RPA3: variants seen among roughly 807,000 people sequenced by gnomAD.
RPA3 encodes replication protein A 14 kDa subunit.
Under a neutral mutation model 13.7 loss-of-function variants are expected in RPA3, and 24 were observed. That is an observed-to-expected ratio of 1.75 (90% CI 1.27 to 2.46). RPA3 has a LOEUF of 2.46. Among genes scored for constraint, RPA3 ranks in the 30% most tolerant of loss-of-function variants. RPA3 has a pLI of 0.00. For missense variants in RPA3, 183 were observed against 151.0 expected (o/e 1.21, Z -1.11); for synonymous variants, 59 against 51.2 (o/e 1.15, Z -0.65).
intron 4 of RPA3, among the ~76,000 whole-genome samples, chr7:7,647,606 A>C (rs763987390): frequency 5.3e-5 from 8 of 152,090 alleles, no homozygotes; most frequent in Non-Finnish European, 8.8e-5. Flanking sequence ...GACTTTTGCT[A>C]TATATATACA....
At chr7:7,700,000 T>C (rs1053209423) in intron 2 of RPA3, among the ~76,000 whole-genome samples, 4 of 152,270 alleles carry the variant, frequency 2.6e-5, no homozygotes, top group African/African-American at 9.6e-5. Context: ...AGTGTGGTGA[T>C]ACTTACAAGT....
chr7:7,682,761 C>T (rs13225575), intron 4 of RPA3, among the ~76,000 whole-genome samples: 24,968 of 152,228 alleles, frequency 0.16, 2,492 homozygotes, highest in Middle Eastern at 0.25. Context: ...CAGAAAAACT[C>T]GATTTACATT....
chr7:7,686,193 GC>G (rs1159994201), intron 3 of RPA3, among the ~76,000 whole-genome samples, 195 bp from the exon 4 acceptor site: 1 of 152,154 alleles, frequency 6.6e-6, no homozygotes, highest in East Asian at 1.9e-4. Context: ...AGGTGGTGGG[GC>G]AGATTGTGTA....
At chr7:7,662,517 T>G (rs1343474745) in intron 4 of RPA3, among the ~76,000 whole-genome samples, 1 of 151,990 alleles carries the variant, frequency 6.6e-6, no homozygotes. Context: ...CGGACCGGAG[T>G]GCACTGTTCC....
chr7:7,660,911 T>C (rs1338805360), intron 4 of RPA3, among the ~76,000 whole-genome samples: 2 of 152,226 alleles, frequency 1.3e-5, no homozygotes, highest in Non-Finnish European at 2.9e-5. Context: ...AACTTGGTTC[T>C]ATTCTCCCTG....
At chr7:7,704,766 CAAAAAAAAAA>C (rs71011001) in intron 2 of RPA3, among the ~76,000 whole-genome samples, 221 of 17,850 alleles carry the variant, frequency 0.012, no homozygotes, top group African/African-American at 0.043. Context: ...GACTCCATCT[CAAAAAAAAAA>C]AAAAAAAAAA....
intron 4 of RPA3, among the ~76,000 whole-genome samples, chr7:7,675,292 A>C (rs1779711528): frequency 6.6e-6 from 1 of 152,224 alleles, no homozygotes; most frequent in African/African-American, 2.4e-5. Flanking sequence ...GCTGGACCTT[A>C]AACTTTTTAT....
chr7:7,640,409 T>A lies in RPA3; in HGVS notation c.10A>T (p.Met4Leu), dbSNP rs755662801. Reference protein sequence around the residue: MVDMMDLPRSRINA... With the variant: MVDLMDLPRSRINA... ...ATGCGCGACCTGGGCAAGTCCATCA[T>A]GTCCACCATGATTATGGTCCAAGAC... The change falls in exon 5 of 8, where the codon ATG becomes TTG. Residue 4 changes from methionine (M) to leucine (L), a missense_variant. Physicochemically the swap from Met to Leu is conservative, Grantham distance 15. Coordinates refer to ENST00000223129, the MANE Select transcript of RPA3 (RefSeq NM_002947.5). 6.2e-7 allele frequency: 1 copy of A among 1,614,042 alleles called. No homozygotes were observed. Among genetic ancestry groups the A allele is most frequent in the Non-Finnish European group, 8.5e-7 (1 of 1,180,036 alleles).
chr7:7,640,140 A>C (rs1399666573), intron 5 of RPA3, 180 bp downstream of exon 5: 1 of 648,100 alleles, frequency 1.5e-6, no homozygotes, highest in East Asian at 2.8e-5. Flanking sequence ...CCGTGCCATA[A>C]AAGAGCGCCA....
chr7:7,680,467 T>C (rs1779882267), intron 4 of RPA3, among the ~76,000 whole-genome samples: 1 of 152,144 alleles, frequency 6.6e-6, no homozygotes, highest in Non-Finnish European at 1.5e-5. Flanking sequence ...TGAAGTCAGG[T>C]AGTGTGATTC....
intron 2 of RPA3, among the ~76,000 whole-genome samples, chr7:7,712,990 A>G (rs1189676109): frequency 2.6e-5 from 4 of 152,128 alleles, no homozygotes; most frequent in Non-Finnish European, 4.4e-5. Context: ...ATAATTGCAG[A>G]CTAGCCTATT....
chr7:7,656,997 T>C (rs567252502), intron 4 of RPA3, among the ~76,000 whole-genome samples: 1 of 152,332 alleles, frequency 6.6e-6, no homozygotes, highest in South Asian at 2.1e-4. Context: ...GACTTTTTAA[T>C]GATCACCATT....
intron 4 of RPA3, among the ~76,000 whole-genome samples, chr7:7,648,043 A>C (rs1583690585): frequency 6.6e-6 from 1 of 152,046 alleles, no homozygotes; most frequent in South Asian, 2.1e-4. Flanking sequence ...TTGAATGCTC[A>C]TTTTCTCATT....
chr7:7,641,939 A>G (rs1156316164), intron 4 of RPA3, among the ~76,000 whole-genome samples: 1 of 152,234 alleles, frequency 6.6e-6, no homozygotes, highest in East Asian at 1.9e-4. Flanking sequence ...AGTTTTACTC[A>G]CTAACGGTAC....
chr7:7,683,611 AT>A (rs1481834967), intron 4 of RPA3, among the ~76,000 whole-genome samples: 2 of 151,984 alleles, frequency 1.3e-5, no homozygotes, highest in African/African-American at 4.8e-5. Context: ...ATGAAATGAA[AT>A]TTGTTTTCTT....
At position 7,644,354 on chromosome 7, in the gene RPA3, C is replaced by CTTT. The variant is rs35141799; in HGVS notation, c.-757-3182_-757-3180dup. 4.4e-3 allele frequency among the ~76,000 whole-genome samples: 627 copies of CTTT among 141,902 alleles called. 1 individual carries two copies. Among genetic ancestry groups the CTTT allele is most frequent in the Non-Finnish European group, 6.4e-3 (418 of 65,000 alleles). 93.1% of individuals were successfully genotyped at this position (141,902 alleles called of 152,430 possible). On this transcript the variant is annotated intron_variant, in intron 4 of 7. Transcript: ENST00000223129. The stretch of plus-strand genomic sequence containing the variant: ...TTCCGTTTCCTTCCTTCATTCCATC[C>CTTT]TTTTTTTTTTTTTATTAGGAAGACC...
rs56068438 is a variant in RPA3 at position 7,636,872 on chromosome 7, G to A, written c.*128C>T. 5 of 724,326 alleles carry A rather than the reference G, an allele frequency of 6.9e-6. No individual in the cohort carries two copies. Among genetic ancestry groups the A allele is most frequent in the Admixed American group, 5.4e-5 (2 of 36,714 alleles). 44.9% of individuals were successfully genotyped at this position (724,326 alleles called of 1,614,324 possible). A position where few individuals can be genotyped will look rare whatever the true frequency, so the allele number is the denominator to read the frequency against. On this transcript the variant is annotated 3_prime_UTR_variant, in exon 8 of 8. Coordinates refer to ENST00000223129, the MANE Select transcript of RPA3 (RefSeq NM_002947.5). ...TATATCAGTTCCATCAAAAACTCTA[G>A]GTTGGAATATCTTAAAAACAGCAAA...
At chr7:7,683,271 T>A (rs1779957286) in intron 4 of RPA3, among the ~76,000 whole-genome samples, 1 of 152,174 alleles carries the variant, frequency 6.6e-6, no homozygotes, top group Non-Finnish European at 1.5e-5. Context: ...AAAAAAATAC[T>A]GGTGCTGGGA....
chr7:7,643,660 C>G (rs1375768341), intron 4 of RPA3, among the ~76,000 whole-genome samples: 1 of 150,530 alleles, frequency 6.6e-6, no homozygotes, highest in Non-Finnish European at 1.5e-5. Flanking sequence ...TGCAGTGAGC[C>G]GAGATCGCGC....
Sources: allele counts gnomAD v4.1 joint callset (sites outside exome capture counted in the v4.1 genomes callset), GRCh38; gene constraint gnomAD v4.1.1; transcripts MANE v1.5; gene names NCBI Gene and HGNC (gene_info 2026-07-23, HGNC 2026-07-21).